Variants in PDZRN3 observed in about 807,000 individuals in gnomAD.
The protein encoded by PDZRN3 is E3 ubiquitin-protein ligase PDZRN3.
PDZRN3 carries 38 observed loss-of-function variants against 85.7 expected under a neutral mutation model. The observed-to-expected ratio is 0.44, with a 90% CI of 0.34 to 0.58. PDZRN3 has a LOEUF of 0.58. Ranked by LOEUF, PDZRN3 falls within the 20% of genes least tolerant of loss-of-function variation. The pLI, the probability that PDZRN3 is intolerant of heterozygous loss-of-function variation, is 0.01. For missense variants in PDZRN3, 1,629 were observed against 1,506.4 expected, an observed-to-expected ratio of 1.08 and a Z score of -1.35; for synonymous variants, 759 against 638.0, an observed-to-expected ratio of 1.19 and a Z score of -2.86.
chr3:73,494,113 A>G (rs1304437859), intron 3 of PDZRN3, among the ~76,000 whole-genome samples: 1 of 152,150 alleles, frequency 6.6e-6, no homozygotes, highest in African/African-American at 2.4e-5. Flanking sequence ...GCTGAGGCCA[A>G]TTTGGGCTGG....
At chr3:73,578,621 AAGAG>A (rs1250749554) in intron 3 of PDZRN3, among the ~76,000 whole-genome samples, 1 of 152,184 alleles carries the variant, frequency 6.6e-6, no homozygotes, top group Non-Finnish European at 1.5e-5. Flanking sequence ...AAGGGGTAGA[AAGAG>A]AGAGATTGAT....
At chr3:73,399,935 G>A (rs1701716427) in intron 5 of PDZRN3, among the ~76,000 whole-genome samples, 1 of 152,126 alleles carries the variant, frequency 6.6e-6, no homozygotes, top group South Asian at 2.1e-4. Flanking sequence ...AGAACTCTTG[G>A]TAACTTTAAG....
intron 3 of PDZRN3, among the ~76,000 whole-genome samples, chr3:73,445,932 G>A (rs960939771): frequency 1.3e-5 from 2 of 152,208 alleles, no homozygotes; most frequent in Non-Finnish European, 1.5e-5. Context: ...TAGTGGGCTT[G>A]CTGAAGCGAA....
intron 3 of PDZRN3, among the ~76,000 whole-genome samples, chr3:73,494,118 G>A (rs1379543441): frequency 6.6e-6 from 1 of 152,016 alleles, no homozygotes; most frequent in Non-Finnish European, 1.5e-5. Context: ...GGCCAATTTG[G>A]GCTGGGCTTC....
intron 3 of PDZRN3, among the ~76,000 whole-genome samples, chr3:73,598,426 C>T (rs773377836): frequency 2.6e-5 from 4 of 152,044 alleles, no homozygotes; most frequent in Non-Finnish European, 4.4e-5. Flanking sequence ...AAGGTGGGGT[C>T]GGAAGTTGTA....
At chr3:73,510,178 C>G (rs977167198) in intron 3 of PDZRN3, among the ~76,000 whole-genome samples, 1 of 152,226 alleles carries the variant, frequency 6.6e-6, no homozygotes, top group South Asian at 2.1e-4. Context: ...CCCTACTGCA[C>G]GCTTTCTGCC....
Position 73,602,439 on chromosome 3 carries a change from C to G in PDZRN3, c.833G>C (p.Ser278Thr). Residue 278 changes from serine to threonine, a missense_variant, in exon 3 of 10, where the codon AGT (serine) becomes ACT (threonine). Physicochemically the swap from Ser to Thr is moderately conservative, Grantham distance 58 (BLOSUM62 1). Transcript: ENST00000263666. ...TATCTTGGATACAAAGATTCCTTCACTGGATGATCCATCGTGGTTATCCTT... is the reference window on the plus strand; with the variant it reads ...TATCTTGGATACAAAGATTCCTTCAGTGGATGATCCATCGTGGTTATCCTT... ...PSVDNHDGSSSEGIFVSKIVD... is the reference protein window; with the variant it reads ...PSVDNHDGSSTEGIFVSKIVD... The G allele has an allele frequency of 1.2e-6, 2 of 1,600,332 alleles. No homozygotes were observed. Among genetic ancestry groups the G allele is most frequent in the Non-Finnish European group, 1.7e-6 (2 of 1,170,018 alleles).
At chr3:73,515,704 A>G (rs1488681894) in intron 3 of PDZRN3, among the ~76,000 whole-genome samples, 1 of 152,230 alleles carries the variant, frequency 6.6e-6, no homozygotes, top group African/African-American at 2.4e-5. Flanking sequence ...CCAAAAGCAT[A>G]GCTCTGGACA....
chr3:73,426,900 CCA>C (rs1702326810), intron 3 of PDZRN3, among the ~76,000 whole-genome samples: 1 of 152,152 alleles, frequency 6.6e-6, no homozygotes, highest in South Asian at 2.1e-4. Context: ...AGAGACTCTT[CCA>C]CAGTCAAAAG....
chr3:73,386,225 A>ATTTTTTTTTTTT (rs1576018763), intron 8 of PDZRN3, among the ~76,000 whole-genome samples: 10 of 38,652 alleles, frequency 2.6e-4, no homozygotes, highest in South Asian at 6.5e-4. Flanking sequence ...GCAAGATATC[A>ATTTTTTTTTTTT]CTTTTTTTTT....
intron 3 of PDZRN3, among the ~76,000 whole-genome samples, chr3:73,520,923 A>G (rs1288358688): frequency 6.6e-6 from 1 of 152,216 alleles, no homozygotes; most frequent in African/African-American, 2.4e-5. Context: ...TAAACACTGG[A>G]AAATCAGTGG....
intron 3 of PDZRN3, among the ~76,000 whole-genome samples, chr3:73,597,206 T>C (rs1702441896): frequency 6.6e-6 from 1 of 152,154 alleles, no homozygotes; most frequent in Admixed American, 6.5e-5. Context: ...TCACAAGCAG[T>C]GAAATCTCAC....
intron 8 of PDZRN3, among the ~76,000 whole-genome samples, chr3:73,386,932 T>A (rs888786754): frequency 6.6e-6 from 1 of 152,184 alleles, no homozygotes; most frequent in Non-Finnish European, 1.5e-5. Context: ...GAATTGTAGC[T>A]CCCATAAGTC....
Position 73,615,379 on chromosome 3 carries a change from C to T in PDZRN3, c.724-6695G>A, listed in dbSNP as rs574765661. ...CTTCACCAAAAATGACACCAACAAA[C>T]CTTTAAGGTGTTACAGCATCTTAAC... On this transcript the variant is annotated intron_variant, in intron 1 of 9. Coordinates refer to ENST00000263666, the MANE Select transcript of PDZRN3 (RefSeq NM_015009.3). Among the ~76,000 whole-genome samples, 4 of 152,298 alleles carry T rather than the reference C, an allele frequency of 2.6e-5. No individual in the cohort carries two copies. In the South Asian group the frequency reaches 8.3e-4, roughly 32 times the overall value.
At position 73,496,903 on chromosome 3, in the gene PDZRN3, G is replaced by A. The variant is rs74883257; in HGVS notation, c.919-92508C>T. Among the ~76,000 whole-genome samples the A allele has an allele frequency of 6.5e-3, 989 of 152,196 alleles. 8 individuals carry two copies. The highest frequency in any genetic ancestry group is 0.022 in the African/African-American group (923 of 41,518). On this transcript the variant is annotated intron_variant, in intron 3 of 9. Transcript: ENST00000263666. ...TGAGGACACAGTTTCTTCCTCTCCC[G>A]TCCTGTATTTGGCCTTGTCTTCAGC...
At chr3:73,526,822 G>A (rs1027584384) in intron 3 of PDZRN3, among the ~76,000 whole-genome samples, 2 of 152,104 alleles carry the variant, frequency 1.3e-5, no homozygotes, top group Non-Finnish European at 2.9e-5. Flanking sequence ...CAAGTAGCTG[G>A]GACTATAGGC....
At chr3:73,494,797 T>C (rs1419255143) in intron 3 of PDZRN3, among the ~76,000 whole-genome samples, 1 of 152,200 alleles carries the variant, frequency 6.6e-6, no homozygotes, top group African/African-American at 2.4e-5. Flanking sequence ...GCACACATAA[T>C]TTTTTAGAGA....
At chr3:73,481,930 C>G (rs1466888046) in intron 3 of PDZRN3, among the ~76,000 whole-genome samples, 3 of 152,238 alleles carry the variant, frequency 2.0e-5, no homozygotes, top group Non-Finnish European at 4.4e-5. Flanking sequence ...ACAAAGCTAG[C>G]TAGTGGTAGC....
chr3:73,590,986 C>G (rs189082994), intron 3 of PDZRN3, among the ~76,000 whole-genome samples: 2 of 152,214 alleles, frequency 1.3e-5, no homozygotes, highest in Non-Finnish European at 2.9e-5. Context: ...AACACAGAAG[C>G]CATTATATGC....
Sources: allele counts gnomAD v4.1 joint callset (sites outside exome capture counted in the v4.1 genomes callset), GRCh38; gene constraint gnomAD v4.1.1; transcripts MANE v1.5; gene names NCBI Gene and HGNC (gene_info 2026-07-23, HGNC 2026-07-21).